The following IGSF9B variants were observed in gnomAD, a reference collection of about 807,000 sequenced individuals.
IGSF9B encodes protein turtle homolog B.
IGSF9B carries 48 observed loss-of-function variants against 143.7 expected under a neutral mutation model. The ratio of observed to expected loss-of-function variants is 0.33; its 90% CI spans 0.26 to 0.42. IGSF9B has a LOEUF of 0.42. Ranked by LOEUF, IGSF9B falls within the 20% of genes least tolerant of loss-of-function variation. IGSF9B has a pLI of 1.00. For missense variants in IGSF9B, 1,706 were observed against 1,980.0 expected (o/e 0.86, Z 2.63); for synonymous variants, 903 against 833.1 (o/e 1.08, Z -1.44).
chr11:133,942,475 C>T (rs1204500188), intron 3 of IGSF9B, among the ~76,000 whole-genome samples: 1 of 152,180 alleles, frequency 6.6e-6, no homozygotes, highest in Non-Finnish European at 1.5e-5. Flanking sequence ...CAGATACGCT[C>T]CAGAACATAA....
intron 1 of IGSF9B, among the ~76,000 whole-genome samples, chr11:133,951,559 T>A (rs1940159303): frequency 6.6e-6 from 1 of 152,180 alleles, no homozygotes; most frequent in South Asian, 2.1e-4. Flanking sequence ...AACCTTAATT[T>A]GCTCTCGGCT....
Position 133,922,239 on chromosome 11 carries a change from G to A in IGSF9B, c.2282-17C>T, listed in dbSNP as rs567918170. On this transcript the variant is annotated splice_polypyrimidine_tract_variant and intron_variant, in intron 16 of 19. Coordinates refer to ENST00000533871, the MANE Select transcript of IGSF9B (RefSeq NM_001277285.4). ...GTGGAGGGTCTGGAAGGAAAGAGAA[G>A]GGGAGAGGCTGCTGAGGCCAAGCCA... The A allele has an allele frequency of 3.0e-5, 48 of 1,610,936 alleles. No individual in the cohort carries two copies. Among genetic ancestry groups the A allele is most frequent in the Non-Finnish European group, 3.8e-5 (45 of 1,178,480 alleles).
chr11:133,911,762 T>C (rs1939304827), intron 19 of IGSF9B, 124 bp downstream of exon 19: 1 of 812,002 alleles, frequency 1.2e-6, no homozygotes, highest in Non-Finnish European at 1.7e-6. Flanking sequence ...GATTCAATTC[T>C]AGAGAAAGCC....
At chr11:133,949,101 C>A (rs890009059) in intron 1 of IGSF9B, among the ~76,000 whole-genome samples, 3 of 152,240 alleles carry the variant, frequency 2.0e-5, no homozygotes, top group African/African-American at 7.2e-5. Context: ...GCAGGCCGTC[C>A]CCTCCCAGCA....
rs757410424 is a variant in IGSF9B, at chr11:133,921,297, T to C, written c.2428A>G (p.Ser810Gly). 3 of 1,609,890 alleles carry C rather than the reference T, an allele frequency of 1.9e-6. No individual in the cohort carries two copies. The East Asian group carries it at 6.7e-5, about 36-fold the overall frequency. Reference protein sequence around the residue: ...QGQPAAKRMLSPTREKELSLY... With the variant: ...QGQPAAKRMLGPTREKELSLY... ...GACAGCTCCTTCTCACGGGTGGGGC[T>C]CAGCATCCTCTTGGCCGCGGGCTGG... The change falls in exon 18 of 20, where the codon AGC becomes GGC. Residue 810 changes from serine (S) to glycine (G), a missense_variant. Coordinates refer to ENST00000533871, the MANE Select transcript of IGSF9B (RefSeq NM_001277285.4).
At chr11:133,910,576 C>T (rs1320248787) in intron 19 of IGSF9B, among the ~76,000 whole-genome samples, 1 of 152,116 alleles carries the variant, frequency 6.6e-6, no homozygotes, top group African/African-American at 2.4e-5. Context: ...GAGAAGCAGA[C>T]CTGGAGAGGC....
chr11:133,930,838 G>A (rs967555393), intron 11 of IGSF9B, 146 bp downstream of exon 11: 1 of 787,266 alleles, frequency 1.3e-6, no homozygotes, highest in Non-Finnish European at 1.9e-6. Context: ...TGCCGGTGCT[G>A]GACGCGGAGT....
chr11:133,918,806 G>A (rs1250936764), intron 18 of IGSF9B, among the ~76,000 whole-genome samples: 1 of 141,564 alleles, frequency 7.1e-6, no homozygotes, highest in Admixed American at 7.0e-5. Flanking sequence ...CGGAGCCAGA[G>A]AGAGAGAGAG....
At chr11:133,922,961 C>G (rs1396937210) in intron 15 of IGSF9B, among the ~76,000 whole-genome samples, 1 of 152,236 alleles carries the variant, frequency 6.6e-6, no homozygotes, top group Non-Finnish European at 1.5e-5. Context: ...AAGAAAACAT[C>G]TATGCCTGTC....
chr11:133,933,511 T>G (rs944566047), intron 7 of IGSF9B, among the ~76,000 whole-genome samples: 3 of 152,160 alleles, frequency 2.0e-5, no homozygotes, highest in Admixed American at 2.0e-4. Flanking sequence ...TTTGGGAGGC[T>G]GGGGTGGGAG....
intron 7 of IGSF9B, 145 bp from the exon 8 acceptor site, chr11:133,932,358 GGACAGACAGACAGACACGGGGACA>G (rs1939749403): frequency 1.2e-6 from 1 of 837,138 alleles, no homozygotes; most frequent in Non-Finnish European, 1.9e-6. Context: ...ACAGACACAG[GGACAGACAGACAGACACGGGGACA>G]GACAGACAGA....
In IGSF9B at chr11:133,929,773, G is replaced by A. The variant is rs1187734111; in HGVS notation, c.1529C>T (p.Pro510Leu). The A allele has an allele frequency of 6.2e-7, 1 of 1,612,698 alleles. No homozygotes were observed. The highest frequency in any genetic ancestry group is 1.7e-5 in the Admixed American group (1 of 60,016). Residue 510 changes from proline to leucine, a missense_variant, in exon 12 of 20, where the codon CCC becomes CTC. By Grantham distance (98) the Pro-to-Leu change is moderately conservative (BLOSUM62 -3). Around this residue, in one of 7 missense-constraint regions of IGSF9B, gnomAD observed 267 missense variants for 321.1 expected, o/e 0.83. Coordinates refer to ENST00000533871, the MANE Select transcript of IGSF9B (RefSeq NM_001277285.4). ...GACCCGGACACTGCCCGGGGCATGG[G>A]GGCTGGTGCCTGGAGATCAAGTGGA... ...STHLTVIGTS[P>L]HAPGSVRVQV...
At position 133,925,736 on chromosome 11, in the gene IGSF9B, C is replaced by T. The variant is rs1939611491; in HGVS notation, c.2034+3G>A. The T allele has an allele frequency of 6.2e-7, 1 of 1,611,222 alleles. No homozygotes were observed. Among genetic ancestry groups the T allele is most frequent in the African/African-American group, 1.3e-5 (1 of 74,920 alleles). ...CAGCAGCAAGGAAGAGCAAAGCCCT[C>T]ACCTGTGACAGATCCTTGGCAAAGA... On this transcript the variant is annotated splice_donor_region_variant and intron_variant, in intron 14 of 19. Coordinates refer to ENST00000533871, the MANE Select transcript of IGSF9B (RefSeq NM_001277285.4).
Position 133,931,888 on chromosome 11 carries a change from G to A in IGSF9B, c.1111-93C>T. 6.5e-7 allele frequency: 1 copy of A among 1,549,894 alleles called. No individual in the cohort carries two copies. Among genetic ancestry groups the A allele is most frequent in the Non-Finnish European group, 8.7e-7 (1 of 1,148,276 alleles). The stretch of plus-strand genomic sequence containing the variant: ...CCCAGCTGGGCCAGGCAGCACGCAG[G>A]ATAGTACAGGAGCTCCAGCCCGGGG... On this transcript the variant is annotated intron_variant, in intron 8 of 19. Coordinates refer to ENST00000533871, the MANE Select transcript of IGSF9B (RefSeq NM_001277285.4). The surrounding 1 kb of genome is among the most constrained non-coding windows in gnomAD (Gnocchi z 7.7).
rs115539214 is a variant in IGSF9B, at chr11:133,949,343, C to T, written c.65-3085G>A. Among the ~76,000 whole-genome samples, 743 of 152,302 alleles carry T rather than the reference C, an allele frequency of 4.9e-3. 8 individuals are homozygous for T. Among genetic ancestry groups the T allele is most frequent in the African/African-American group, 0.017 (708 of 41,562 alleles). Reference sequence around the variant, plus strand: ...ACACACATGCGCACGCACACACACACGCACGGCATATTCTCTCACTCCATC... The same window carrying T: ...ACACACATGCGCACGCACACACACATGCACGGCATATTCTCTCACTCCATC... On this transcript the variant is annotated intron_variant, in intron 1 of 19. Transcript: ENST00000533871.
intron 1 of IGSF9B, among the ~76,000 whole-genome samples, chr11:133,954,564 G>A (rs1319361921): frequency 6.6e-6 from 1 of 152,174 alleles, no homozygotes; most frequent in Non-Finnish European, 1.5e-5. Flanking sequence ...TATATAACAG[G>A]TAGTTGTTTT....
At position 133,948,650 on chromosome 11, in the gene IGSF9B, T is replaced by C. The variant is rs1374393775; in HGVS notation, c.65-2392A>G. On this transcript the variant is annotated intron_variant, in intron 1 of 19. Transcript: ENST00000533871. This position sits in a 1 kb window ranked among gnomAD's most constrained non-coding sequence, Gnocchi z 4.7. Reference sequence around the variant, plus strand: ...GTGTGTGTGTGTGTGTGTGTGTGTGTGTGTGTGTGTGTGTCTACAGCACAC... The same window carrying C: ...GTGTGTGTGTGTGTGTGTGTGTGTGCGTGTGTGTGTGTGTCTACAGCACAC... Among the ~76,000 whole-genome samples the C allele has an allele frequency of 6.6e-6, 1 of 151,920 alleles. No homozygotes were observed. The highest frequency in any genetic ancestry group is 1.5e-5 in the Non-Finnish European group (1 of 67,998).
Position 133,903,619 on chromosome 11 carries a change from G to A in IGSF9B, c.*5450C>T, listed in dbSNP as rs1417046879. 6.6e-6 allele frequency among the ~76,000 whole-genome samples: 1 copy of A among 152,184 alleles called. No homozygotes were observed. Among genetic ancestry groups the A allele is most frequent in the Non-Finnish European group, 1.5e-5 (1 of 68,036 alleles). The stretch of plus-strand genomic sequence containing the variant: ...TACATGGGATCCCTCAGGGGATGGT[G>A]GTGTCTTTGGACCAAATTCAATCTA... On this transcript the variant is annotated 3_prime_UTR_variant, in exon 20 of 20. Coordinates refer to ENST00000533871, the MANE Select transcript of IGSF9B (RefSeq NM_001277285.4).
At position 133,946,169 on chromosome 11, in the gene IGSF9B, T is replaced by C. The variant is rs750712363; in HGVS notation, c.154A>G (p.Thr52Ala). ...VLRCDVIHPV[T>A]GQPPPYVVEW... ...ACGACATAGGGTGGGGGCTGTCCCGTCACTGGGTGGATCACGTCGCATCGC... is the reference window on the plus strand; with the variant it reads ...ACGACATAGGGTGGGGGCTGTCCCGCCACTGGGTGGATCACGTCGCATCGC... Residue 52 changes from threonine (T) to alanine (A), a missense_variant, in exon 2 of 20, where the codon ACG (threonine) becomes GCG (alanine). Physicochemically the swap from Thr to Ala is moderately conservative, Grantham distance 58 (BLOSUM62 0). Transcript: ENST00000533871. The C allele has an allele frequency of 6.2e-7, 1 of 1,613,516 alleles. No homozygotes were observed. The highest frequency in any genetic ancestry group is 1.7e-5 in the Admixed American group (1 of 59,976).
Sources: allele counts gnomAD v4.1 joint callset (sites outside exome capture counted in the v4.1 genomes callset), GRCh38; gene constraint gnomAD v4.1.1; regional missense constraint gnomAD v4.1.1; non-coding constraint Gnocchi (gnomAD v3.1); transcripts MANE v1.5; gene names NCBI Gene and HGNC (gene_info 2026-07-23, HGNC 2026-07-21).